Variants in ASB7 observed in about 807,000 individuals in gnomAD.
The protein encoded by ASB7 is ankyrin repeat and SOCS box containing 7, also known as ankyrin repeat and SOCS box protein 7.
A neutral mutation model predicts 32.5 loss-of-function variants in ASB7; 4 were observed. That is an observed-to-expected ratio of 0.12 (90% CI 0.06 to 0.28). The LOEUF (loss-of-function observed/expected upper bound fraction) is 0.28. Among genes scored for constraint, ASB7 ranks in the 10% least tolerant of loss-of-function variants. The pLI is 1.00. For missense variants in ASB7, 181 were observed against 407.1 expected (o/e 0.44, Z 4.78); for synonymous variants, 172 against 155.6 (o/e 1.11, Z -0.78).
intron 2 of ASB7, among the ~76,000 whole-genome samples, chr15:100,608,684 G>A (rs1480658694): frequency 1.3e-5 from 2 of 152,126 alleles, no homozygotes; most frequent in African/African-American, 2.4e-5. Flanking sequence ...TTCTGATCTC[G>A]TCGGCCTCAT....
At chr15:100,614,698 G>A (rs2039726852) in intron 4 of ASB7, among the ~76,000 whole-genome samples, 1 of 150,202 alleles carries the variant, frequency 6.7e-6, no homozygotes, top group Non-Finnish European at 1.5e-5. Context: ...GAATTGTCTT[G>A]GGCCATGAAT....
chr15:100,636,569 G>A (rs554481285), intron 5 of ASB7, among the ~76,000 whole-genome samples: 1 of 152,084 alleles, frequency 6.6e-6, no homozygotes, highest in East Asian at 1.9e-4. Context: ...TGTCTGACTT[G>A]CCTTATAAAC....
rs933646941 is a variant in ASB7, at chr15:100,612,414, T to C, written c.198T>C (p.Phe66=). The change falls in exon 4 of 6, where the codon TTT becomes TTC. Residue 66 remains phenylalanine (F), a synonymous_variant. Coordinates refer to ENST00000332783, the MANE Select transcript of ASB7 (RefSeq NM_198243.3). Reference sequence around the variant, plus strand: ...GAAAGGAAAGATGTGTTCGGGTTTTTCTAGAACACGGAGGTGAGTTTTGTA... The same window carrying C: ...GAAAGGAAAGATGTGTTCGGGTTTTCCTAGAACACGGAGGTGAGTTTTGTA... ...ARGKERCVRV[F]LEHGADPTVK... The C allele has an allele frequency of 1.9e-6, 3 of 1,612,400 alleles. No individual in the cohort carries two copies. Among genetic ancestry groups the C allele is most frequent in the Admixed American group, 3.3e-5 (2 of 60,030 alleles).
chr15:100,615,092 C>T (rs1597000160), intron 4 of ASB7, among the ~76,000 whole-genome samples: 1 of 152,134 alleles, frequency 6.6e-6, no homozygotes, highest in Non-Finnish European at 1.5e-5. Context: ...AGGCTTGTGG[C>T]CTAAGAACAG....
At chr15:100,625,954 C>T (rs1382132454) in intron 4 of ASB7, among the ~76,000 whole-genome samples, 1 of 152,158 alleles carries the variant, frequency 6.6e-6, no homozygotes, top group Non-Finnish European at 1.5e-5. Context: ...AAGTAGATAT[C>T]TTTGTGGGGA....
intron 4 of ASB7, among the ~76,000 whole-genome samples, chr15:100,618,696 G>A (rs2039766290): frequency 6.6e-6 from 1 of 152,016 alleles, no homozygotes; most frequent in South Asian, 2.1e-4. Flanking sequence ...AGACAAGGTG[G>A]CCAGCTGATC....
rs550372418 is a variant in ASB7 at position 100,607,734 on chromosome 15, A to G, written c.-173-1973A>G. On this transcript the variant is annotated intron_variant, in intron 2 of 5. Coordinates refer to ENST00000332783, the MANE Select transcript of ASB7 (RefSeq NM_198243.3). ...GAGGTGCTACCTGTGGCCAAACCCT[A>G]TCACTGTGCCACGTTAAGTGTCAAG... 1.9e-4 allele frequency among the ~76,000 whole-genome samples: 29 copies of G among 152,308 alleles called. 1 individual carries two copies. Among genetic ancestry groups the G allele is most frequent in the African/African-American group, 6.5e-4 (27 of 41,570 alleles).
At chr15:100,626,065 A>G (rs2039834075) in intron 4 of ASB7, among the ~76,000 whole-genome samples, 1 of 152,230 alleles carries the variant, frequency 6.6e-6, no homozygotes. Flanking sequence ...AGAAGAAAAA[A>G]AATCTTTGTG....
At chr15:100,644,908 A>G (rs1419618785) in intron 5 of ASB7, among the ~76,000 whole-genome samples, 5 of 152,250 alleles carry the variant, frequency 3.3e-5, no homozygotes, top group Non-Finnish European at 7.3e-5. Context: ...AGACATTTCC[A>G]AGAAAGCTGT....
chr15:100,616,390 T>G (rs1225635532), intron 4 of ASB7, among the ~76,000 whole-genome samples: 1 of 152,186 alleles, frequency 6.6e-6, no homozygotes, highest in Non-Finnish European at 1.5e-5. Flanking sequence ...AGCCTTATCG[T>G]TTGTGCCCTT....
intron 5 of ASB7, among the ~76,000 whole-genome samples, chr15:100,635,855 G>A (rs1371229865): frequency 2.0e-5 from 3 of 152,220 alleles, no homozygotes; most frequent in Admixed American, 6.5e-5. Context: ...TCGTGGCTCT[G>A]AGACAAGGTT....
At chr15:100,611,479 C>T (rs1054795490) in intron 3 of ASB7, among the ~76,000 whole-genome samples, 3 of 19,628 alleles carry the variant, frequency 1.5e-4, no homozygotes, top group African/African-American at 3.2e-4. Context: ...CAGATTGTTT[C>T]GATTCTTTTT....
intron 5 of ASB7, among the ~76,000 whole-genome samples, chr15:100,640,041 ATAAAG>A (rs1326248928): frequency 2.0e-5 from 3 of 152,240 alleles, no homozygotes; most frequent in African/African-American, 7.2e-5. Flanking sequence ...CCTTTGTCCT[ATAAAG>A]TAAGATTTGT....
chr15:100,616,178 T>G (rs892983506), intron 4 of ASB7, among the ~76,000 whole-genome samples: 1 of 152,208 alleles, frequency 6.6e-6, no homozygotes, highest in African/African-American at 2.4e-5. Context: ...CTTTTTCTTT[T>G]TTTTTCTTGG....
chr15:100,635,539 G>T (rs1050797172), intron 5 of ASB7, among the ~76,000 whole-genome samples: 2 of 152,144 alleles, frequency 1.3e-5, no homozygotes, highest in Non-Finnish European at 2.9e-5. Context: ...GAGGGTTCCG[G>T]TCCCTGCAGT....
chr15:100,615,475 G>T (rs1229202860), intron 4 of ASB7, among the ~76,000 whole-genome samples: 2 of 152,170 alleles, frequency 1.3e-5, no homozygotes, highest in African/African-American at 4.8e-5. Flanking sequence ...GTATTGATAG[G>T]TATGGATATA....
intron 4 of ASB7, among the ~76,000 whole-genome samples, chr15:100,623,263 C>T (rs1226056220): frequency 3.9e-5 from 6 of 151,988 alleles, no homozygotes; most frequent in Admixed American, 1.3e-4. Flanking sequence ...GCTGGGCCCA[C>T]GTGGTGGTGG....
intron 4 of ASB7, among the ~76,000 whole-genome samples, chr15:100,621,391 A>T (rs2039790972): frequency 6.6e-6 from 1 of 152,204 alleles, no homozygotes; most frequent in African/African-American, 2.4e-5. Flanking sequence ...CTCAATGCCC[A>T]AATATAGAGA....
At chr15:100,617,853 A>G (rs2039757032) in intron 4 of ASB7, among the ~76,000 whole-genome samples, 1 of 152,196 alleles carries the variant, frequency 6.6e-6, no homozygotes, top group African/African-American at 2.4e-5. Context: ...ATCTAAAGTA[A>G]TTGTTCCTCA....
Sources: gnomAD v4.1 joint callset for allele counts (sites outside exome capture counted in the v4.1 genomes callset) on GRCh38, gnomAD v4.1.1 for gene constraint, MANE v1.5 for transcripts, NCBI Gene and HGNC (gene_info 2026-07-23, HGNC 2026-07-21) for gene names.